KCND2: variants seen among roughly 807,000 people sequenced by gnomAD.
KCND2 encodes the protein A-type voltage-gated potassium channel KCND2.
In KCND2, 16 loss-of-function variants were observed where a neutral mutation model predicts 54.4. That is an observed-to-expected ratio of 0.29 (90% confidence interval 0.20 to 0.45). The LOEUF is 0.45. Ranked by LOEUF, KCND2 falls within the 20% of genes least tolerant of loss-of-function variation. The pLI is 1.00. For synonymous variants in KCND2, 317 were observed against 310.7 expected, an observed-to-expected ratio of 1.02 and a Z score of -0.21; for missense variants, 486 against 824.2, an observed-to-expected ratio of 0.59 and a Z score of 5.02.
intron 1 of KCND2, among the ~76,000 whole-genome samples, chr7:120,372,787 C>T (rs1800782481): frequency 6.6e-6 from 1 of 151,786 alleles, no homozygotes; most frequent in African/African-American, 2.4e-5. Flanking sequence ...GTTTCTTTTT[C>T]CAAAGAGGAA....
intron 1 of KCND2, among the ~76,000 whole-genome samples, chr7:120,613,077 T>C (rs978021198): frequency 9.3e-6 from 1 of 107,890 alleles, no homozygotes. Flanking sequence ...ACTGGATGTT[T>C]AGCCTAATTT....
At chr7:120,610,775 T>C (rs1792944111) in intron 1 of KCND2, among the ~76,000 whole-genome samples, 1 of 152,198 alleles carries the variant, frequency 6.6e-6, no homozygotes, top group South Asian at 2.1e-4. Context: ...TCTCTCTTTT[T>C]AAAAAGTGCA....
intron 1 of KCND2, among the ~76,000 whole-genome samples, chr7:120,395,872 G>C (rs906539129): frequency 6.6e-6 from 1 of 151,828 alleles, no homozygotes; most frequent in African/African-American, 2.4e-5. Context: ...ATGCTATTTT[G>C]ACCAGATCCT....
intron 1 of KCND2, among the ~76,000 whole-genome samples, chr7:120,607,820 A>G (rs1792901485): frequency 6.6e-6 from 1 of 152,056 alleles, no homozygotes; most frequent in Non-Finnish European, 1.5e-5. Flanking sequence ...TGCAGGATGG[A>G]GGAAGAACAT....
chr7:120,338,385 T>C (rs367818201), intron 1 of KCND2, among the ~76,000 whole-genome samples: 43 of 152,166 alleles, frequency 2.8e-4, no homozygotes, highest in African/African-American at 9.9e-4. Flanking sequence ...CTAAATGTTG[T>C]ACATTTTTGC....
intron 2 of KCND2, among the ~76,000 whole-genome samples, chr7:120,737,060 ACACACACACACAC>A (rs1792880211): frequency 1.4e-5 from 2 of 144,590 alleles, no homozygotes; most frequent in African/African-American, 5.2e-5. Flanking sequence ...ACACACACAC[ACACACACACACAC>A]ACAAACAAAA....
chr7:120,373,949 A>G (rs917147382), intron 1 of KCND2, among the ~76,000 whole-genome samples: 3 of 151,802 alleles, frequency 2.0e-5, no homozygotes, highest in Non-Finnish European at 4.4e-5. Context: ...TATATATTCT[A>G]TCGCATTTGG....
chr7:120,747,352 G>A (rs921600833), intron 5 of KCND2, among the ~76,000 whole-genome samples: 4 of 152,062 alleles, frequency 2.6e-5, no homozygotes, highest in African/African-American at 9.7e-5. Flanking sequence ...ACCTCTCAGA[G>A]GTCTGTCTTA....
At chr7:120,578,441 G>T (rs1015608827) in intron 1 of KCND2, among the ~76,000 whole-genome samples, 1 of 152,024 alleles carries the variant, frequency 6.6e-6, no homozygotes, top group Admixed American at 6.5e-5. Context: ...ACTTCTGGTT[G>T]CCCCATGAGT....
At chr7:120,280,030 C>T (rs1489377797) in intron 1 of KCND2, among the ~76,000 whole-genome samples, 6 of 151,942 alleles carry the variant, frequency 3.9e-5, no homozygotes, top group African/African-American at 1.4e-4. Flanking sequence ...AACATCTATA[C>T]ATAACTATTG....
intron 1 of KCND2, among the ~76,000 whole-genome samples, chr7:120,710,257 A>C (rs1473681720): frequency 2.0e-5 from 3 of 152,180 alleles, no homozygotes; most frequent in African/African-American, 4.8e-5. Flanking sequence ...AGGCACATAC[A>C]TATGTTTGCA....
intron 1 of KCND2, among the ~76,000 whole-genome samples, chr7:120,335,918 A>AT (rs1001079622): frequency 2.6e-5 from 4 of 152,224 alleles, no homozygotes; most frequent in East Asian, 1.9e-4. Flanking sequence ...TCTTTTAAAT[A>AT]TTTTTTTTCT....
chr7:120,590,370 C>G (rs186593590), intron 1 of KCND2, among the ~76,000 whole-genome samples: 3 of 152,168 alleles, frequency 2.0e-5, no homozygotes, highest in Admixed American at 2.0e-4. Context: ...TTTGATCAGT[C>G]ATAAAAAAGA....
At chr7:120,533,816 T>C (rs1381505193) in intron 1 of KCND2, among the ~76,000 whole-genome samples, 1 of 152,076 alleles carries the variant, frequency 6.6e-6, no homozygotes, top group Non-Finnish European at 1.5e-5. Context: ...AATTACATAA[T>C]ATTATTTTGG....
rs1351281263 is a variant in KCND2 at position 120,493,041 on chromosome 7, C to G, written c.1115+217294C>G. Among the ~76,000 whole-genome samples, 3 of 151,954 alleles carry G rather than the reference C, an allele frequency of 2.0e-5. 1 individual carries two copies. In the Admixed American group the frequency reaches 2.0e-4, roughly 10 times the overall value. ...ATCTCATTCATGAAGGCTCCACCTC[C>G]AAAGCCTCCACCTCTGAATACCATC... On this transcript the variant is annotated intron_variant, in intron 1 of 5. Coordinates refer to ENST00000331113, the MANE Select transcript of KCND2 (RefSeq NM_012281.3).
intron 1 of KCND2, among the ~76,000 whole-genome samples, chr7:120,640,487 A>G (rs66521258): frequency 7.2e-5 from 11 of 152,036 alleles, no homozygotes; most frequent in Non-Finnish European, 1.3e-4. Flanking sequence ...ATTTGCATCA[A>G]CGTGCATTTC....
chr7:120,678,098 A>G (rs965827239), intron 1 of KCND2, among the ~76,000 whole-genome samples: 3 of 152,038 alleles, frequency 2.0e-5, no homozygotes, highest in Middle Eastern at 3.4e-3. Context: ...ACTGCAAATA[A>G]TAAGCCTTAT....
At chr7:120,638,316 G>A (rs1384652769) in intron 1 of KCND2, among the ~76,000 whole-genome samples, 1 of 152,134 alleles carries the variant, frequency 6.6e-6, no homozygotes. Flanking sequence ...TTTAGTATCT[G>A]TAAGGCACAC....
At chr7:120,665,756 T>G (rs1791918915) in intron 1 of KCND2, among the ~76,000 whole-genome samples, 1 of 152,140 alleles carries the variant, frequency 6.6e-6, no homozygotes, top group African/African-American at 2.4e-5. Context: ...CAAATAATTT[T>G]GCAATGATCA....
Sources: allele counts gnomAD v4.1 joint callset (sites outside exome capture counted in the v4.1 genomes callset), GRCh38; gene constraint gnomAD v4.1.1; transcripts MANE v1.5; gene names NCBI Gene and HGNC (gene_info 2026-07-23, HGNC 2026-07-21).